Variants in RASGEF1A observed in about 807,000 individuals in gnomAD.
RASGEF1A encodes the protein RasGEF domain family member 1A, also known as ras-GEF domain-containing family member 1A.
Under a neutral mutation model 56.4 loss-of-function variants are expected in RASGEF1A, and 18 were observed. That is an observed-to-expected ratio of 0.32 (90% CI 0.22 to 0.47). RASGEF1A has a LOEUF of 0.47. Ranked by LOEUF, RASGEF1A falls within the 20% of genes least tolerant of loss-of-function variation. RASGEF1A has a pLI of 1.00. For missense variants in RASGEF1A, 422 were observed against 627.1 expected (o/e 0.67, Z 3.49); for synonymous variants, 245 against 242.6 (o/e 1.01, Z -0.09).
intron 1 of RASGEF1A, chr10:43,208,038 C>G: frequency 1.0e-6 from 1 of 984,886 alleles, no homozygotes; most frequent in Non-Finnish European, 1.2e-6. Flanking sequence ...ACTCAGTGAC[C>G]ATTTGTGCAA....
intron 1 of RASGEF1A, among the ~76,000 whole-genome samples, chr10:43,232,366 A>G (rs770468896): frequency 4.9e-4 from 74 of 152,042 alleles, no homozygotes; most frequent in Admixed American, 2.6e-4. Context: ...TCTGCCTTCC[A>G]CTATGAGTGA....
At chr10:43,203,570 G>A (rs1317190450) in intron 2 of RASGEF1A, 150 bp from the exon 3 acceptor site, 3 of 1,330,444 alleles carry the variant, frequency 2.3e-6, no homozygotes, top group East Asian at 3.0e-5. Flanking sequence ...CCTTCGCCTT[G>A]CAGGCCCTTC....
intron 1 of RASGEF1A, among the ~76,000 whole-genome samples, chr10:43,232,723 G>A (rs1377397996): frequency 1.3e-5 from 2 of 152,162 alleles, no homozygotes; most frequent in Non-Finnish European, 2.9e-5. Context: ...CCTGACCCAA[G>A]TGATCTGCCC....
chr10:43,251,218 G>A (rs1353649659), intron 1 of RASGEF1A, among the ~76,000 whole-genome samples: 2 of 152,196 alleles, frequency 1.3e-5, no homozygotes, highest in African/African-American at 4.8e-5. Context: ...TCCTGCCGCA[G>A]TCCCAGCATG....
At chr10:43,252,708 C>T (rs1840640821) in intron 1 of RASGEF1A, among the ~76,000 whole-genome samples, 1 of 152,066 alleles carries the variant, frequency 6.6e-6, no homozygotes, top group South Asian at 2.1e-4. Context: ...ACAGAGGACC[C>T]GGTTTCAGGG....
At chr10:43,208,575 T>C (rs1360006329) in intron 1 of RASGEF1A, 2 of 984,846 alleles carry the variant, frequency 2.0e-6, no homozygotes, top group African/African-American at 3.5e-5. Flanking sequence ...CTTTGGGGAG[T>C]CAGCAGAGCC....
Position 43,199,823 on chromosome 10 carries a change from T to C in RASGEF1A, c.757-55A>G, listed in dbSNP as rs1839865511. On this transcript the variant is annotated intron_variant, in intron 6 of 12. Transcript: ENST00000395810. ...CCTGGAGGACCATGGCTGGACAACT[T>C]AGTCCCCACAGCTGGCCCTGGTCCC... The C allele has an allele frequency of 4.2e-6, 6 of 1,437,746 alleles. No homozygotes were observed. In the Admixed American group the frequency reaches 6.9e-5, roughly 17 times the overall value. The allele number at this position is 1,437,746 out of a possible 1,614,324, so 89.1% of individuals were successfully genotyped here. A position where few individuals can be genotyped will look rare whatever the true frequency, so the allele number is the denominator to read the frequency against.
At position 43,199,581 on chromosome 10, in the gene RASGEF1A, C is replaced by CT. The variant is rs1006847897; in HGVS notation, c.849+94dup. Reference sequence around the variant, plus strand: ...GCAACAGGGACTTTGTGCATTCACTCTTAAAGTTCCATCATCTAATTCCTG... The same window carrying CT: ...GCAACAGGGACTTTGTGCATTCACTCTTTAAAGTTCCATCATCTAATTCCTG... On this transcript the variant is annotated intron_variant, in intron 7 of 12. Transcript: ENST00000395810. The CT allele has an allele frequency of 1.9e-4, 191 of 1,021,218 alleles. No individual in the cohort carries two copies. The African/African-American group carries it at 2.7e-3, about 15-fold the overall frequency. The allele number at this position is 1,021,218 out of a possible 1,614,324, so 63.3% of individuals were successfully genotyped here.
At chr10:43,232,735 C>T (rs1840387362) in intron 1 of RASGEF1A, among the ~76,000 whole-genome samples, 1 of 152,152 alleles carries the variant, frequency 6.6e-6, no homozygotes, top group Non-Finnish European at 1.5e-5. Context: ...GATCTGCCCA[C>T]TTCAGCTTCC....
intron 1 of RASGEF1A, among the ~76,000 whole-genome samples, chr10:43,249,256 C>T (rs1840600220): frequency 6.6e-6 from 1 of 152,208 alleles, no homozygotes; most frequent in South Asian, 2.1e-4. Context: ...CACACCACTG[C>T]CAGCTCCCAC....
At chr10:43,239,948 G>A (rs1840481661) in intron 1 of RASGEF1A, among the ~76,000 whole-genome samples, 1 of 152,230 alleles carries the variant, frequency 6.6e-6, no homozygotes, top group Non-Finnish European at 1.5e-5. Context: ...GTAATGACAT[G>A]ATCATAGGGG....
intron 1 of RASGEF1A, among the ~76,000 whole-genome samples, chr10:43,251,214 C>T (rs1179383001): frequency 2.0e-5 from 3 of 152,184 alleles, no homozygotes; most frequent in Non-Finnish European, 2.9e-5. Context: ...TCCTTCCTGC[C>T]GCAGTCCCAG....
At chr10:43,213,241 C>A (rs1449619933) in intron 1 of RASGEF1A, among the ~76,000 whole-genome samples, 2 of 151,678 alleles carry the variant, frequency 1.3e-5, no homozygotes, top group South Asian at 2.1e-4. Context: ...ATGTTTCCGA[C>A]ACATAGAAAT....
intron 1 of RASGEF1A, among the ~76,000 whole-genome samples, chr10:43,210,482 A>G (rs1840051234): frequency 6.6e-6 from 1 of 152,208 alleles, no homozygotes; most frequent in African/African-American, 2.4e-5. Context: ...TCAATCAATC[A>G]ATAAACAAAC....
Position 43,203,757 on chromosome 10 carries a change from C to T in RASGEF1A, c.199-337G>A, listed in dbSNP as rs867102144. On this transcript the variant is annotated intron_variant, in intron 2 of 12. Transcript: ENST00000395810. ...GACGTTGGTAGGGCTCCATGGTGCT[C>T]GCTGCGCCAGGATGCAAGCCAGCTG... 7.5e-5 allele frequency: 79 copies of T among 1,057,730 alleles called. No individual in the cohort carries two copies. The South Asian group carries it at 1.0e-3, about 14-fold the overall frequency. The allele number at this position is 1,057,730 out of a possible 1,614,324, so 65.5% of individuals were successfully genotyped here. A position where few individuals can be genotyped will look rare whatever the true frequency, so the allele number is the denominator to read the frequency against.
At chr10:43,222,967 T>C (rs766729655) in intron 1 of RASGEF1A, among the ~76,000 whole-genome samples, 1 of 152,220 alleles carries the variant, frequency 6.6e-6, no homozygotes, top group Non-Finnish European at 1.5e-5. Flanking sequence ...TTGTGCTAAA[T>C]GGCTGAGAGT....
chr10:43,237,819 C>T (rs1018605653), intron 1 of RASGEF1A, among the ~76,000 whole-genome samples: 2 of 152,184 alleles, frequency 1.3e-5, no homozygotes, highest in South Asian at 4.1e-4. Context: ...GGCCCCAGCA[C>T]ATAGACCACA....
chr10:43,206,640 C>G, intron 1 of RASGEF1A: 1 of 989,304 alleles, frequency 1.0e-6, no homozygotes, highest in Non-Finnish European at 1.2e-6. Flanking sequence ...TGCTGCTTCA[C>G]TGAGGTGGGA....
intron 1 of RASGEF1A, among the ~76,000 whole-genome samples, chr10:43,229,913 G>A (rs1451355367): frequency 1.3e-5 from 2 of 151,948 alleles, no homozygotes; most frequent in Non-Finnish European, 2.9e-5. Flanking sequence ...GCGGAGGTGG[G>A]GCAGGGACCC....
Sources: gnomAD v4.1 joint callset for allele counts (sites outside exome capture counted in the v4.1 genomes callset) on GRCh38, gnomAD v4.1.1 for gene constraint, MANE v1.5 for transcripts, NCBI Gene and HGNC (gene_info 2026-07-23, HGNC 2026-07-21) for gene names.